ASH2L: variants seen among roughly 807,000 people sequenced by gnomAD.
ASH2L encodes the protein ASH2 like, histone lysine methyltransferase complex subunit.
A neutral mutation model predicts 81.1 loss-of-function variants in ASH2L; 30 were observed. The ratio of observed to expected loss-of-function variants is 0.37; its 90% CI spans 0.28 to 0.50. ASH2L has a LOEUF of 0.50. ASH2L is among the 20% of genes least tolerant of loss of function. The pLI is 0.95. For synonymous variants in ASH2L, 273 were observed against 279.9 expected (o/e 0.98, Z 0.24); for missense variants, 559 against 792.1 (o/e 0.71, Z 3.53).
In ASH2L at chr8:38,135,552, C is replaced by T. The variant is rs1802217466; in HGVS notation, c.1621-116C>T. The T allele has an allele frequency of 1.5e-5, 10 of 682,768 alleles. 1 individual carries two copies. In the South Asian group the frequency reaches 1.7e-4, roughly 12 times the overall value. The allele number at this position is 682,768 out of a possible 1,614,324, so 42.3% of individuals were successfully genotyped here. On this transcript the variant is annotated intron_variant, in intron 13 of 15. Transcript: ENST00000343823. The stretch of plus-strand genomic sequence containing the variant: ...GTTATTACACAAGTTATGCACTGTT[C>T]TTGGGTGAGTGACTAGCAGTCTGGC...
intron 12 of ASH2L, among the ~76,000 whole-genome samples, chr8:38,131,377 G>T (rs1021730578): frequency 8.0e-5 from 12 of 150,790 alleles, no homozygotes; most frequent in African/African-American, 2.7e-4. Context: ...CAAATTTTTT[G>T]ACCAGACACT....
chr8:38,132,108 A>G (rs907499233), intron 12 of ASH2L, among the ~76,000 whole-genome samples: 6 of 152,110 alleles, frequency 3.9e-5, no homozygotes, highest in African/African-American at 7.2e-5. Context: ...CAGCCTCCCA[A>G]AATGCTGGGA....
At chr8:38,119,862 T>C (rs1811065807) in intron 9 of ASH2L, among the ~76,000 whole-genome samples, 1 of 152,082 alleles carries the variant, frequency 6.6e-6, no homozygotes, top group Non-Finnish European at 1.5e-5. Flanking sequence ...GTCATGCCTG[T>C]AATCCCAGCA....
intron 12 of ASH2L, among the ~76,000 whole-genome samples, chr8:38,131,968 C>T (rs1303172908): frequency 6.6e-6 from 1 of 152,118 alleles, no homozygotes; most frequent in Non-Finnish European, 1.5e-5. Flanking sequence ...CCTGCTTCAG[C>T]CTCCTGAGCA....
At chr8:38,111,092 G>A (rs1250879571) in intron 5 of ASH2L, among the ~76,000 whole-genome samples, 1 of 151,780 alleles carries the variant, frequency 6.6e-6, no homozygotes, top group East Asian at 1.9e-4. Flanking sequence ...GCGCCACCAC[G>A]CCCAGCTAAT....
At chr8:38,123,907 C>A (rs1801730708) in intron 10 of ASH2L, among the ~76,000 whole-genome samples, 1 of 152,160 alleles carries the variant, frequency 6.6e-6, no homozygotes. Flanking sequence ...GTGGCGTGAT[C>A]TCGGCTCACT....
chr8:38,129,228 T>A (rs1301212941), intron 12 of ASH2L, among the ~76,000 whole-genome samples: 3 of 152,196 alleles, frequency 2.0e-5, no homozygotes, highest in Non-Finnish European at 4.4e-5. Context: ...ATACATAAGC[T>A]AGAATTCAGC....
chr8:38,139,252 TC>T lies in ASH2L; in HGVS notation c.*183del. The T allele has an allele frequency of 1.8e-6, 1 of 555,648 alleles. No homozygotes were observed. The allele number at this position is 555,648 out of a possible 1,614,324, so 34.4% of individuals were successfully genotyped here. On this transcript the variant is annotated 3_prime_UTR_variant, in exon 16 of 16. Coordinates refer to ENST00000343823, the MANE Select transcript of ASH2L (RefSeq NM_004674.5). ...TGCCTTTCACCATTTTCTCCCCACT[TC>T]CAGTGACTGCTCTTATTTTGTGTAC...
At chr8:38,106,969 A>G in intron 2 of ASH2L, 52 bp from the exon 3 acceptor site, 4 of 1,603,862 alleles carry the variant, frequency 2.5e-6, no homozygotes, top group South Asian at 2.2e-5. Context: ...AATAAAATAA[A>G]GTAAAATACA....
intron 12 of ASH2L, 125 bp downstream of exon 12, chr8:38,129,076 A>G (rs1261548075): frequency 1.4e-6 from 2 of 1,385,038 alleles, no homozygotes; most frequent in Non-Finnish European, 1.9e-6. Context: ...ACCTGTTGCT[A>G]TGACATTTTC....
At chr8:38,114,418 A>T (rs1453898887) in intron 6 of ASH2L, 131 bp downstream of exon 6, 2 of 631,692 alleles carry the variant, frequency 3.2e-6, no homozygotes, top group Non-Finnish European at 5.4e-6. Flanking sequence ...AGTGTGAGAT[A>T]CAGCTAATTG....
At chr8:38,120,497 A>C (rs956960172) in intron 9 of ASH2L, among the ~76,000 whole-genome samples, 1 of 151,794 alleles carries the variant, frequency 6.6e-6, no homozygotes, top group African/African-American at 2.4e-5. Context: ...TCACTGCACA[A>C]GTTATTTACT....
intron 3 of ASH2L, among the ~76,000 whole-genome samples, chr8:38,109,411 C>T (rs1272234141): frequency 6.6e-6 from 1 of 152,198 alleles, no homozygotes; most frequent in Non-Finnish European, 1.5e-5. Context: ...AAGCTAGTTT[C>T]AGAGTCCAAG....
intron 10 of ASH2L, among the ~76,000 whole-genome samples, chr8:38,125,215 G>C (rs1801785937): frequency 6.6e-6 from 1 of 152,132 alleles, no homozygotes; most frequent in Non-Finnish European, 1.5e-5. Context: ...GATTTTAACA[G>C]TTCAAGATTT....
intron 12 of ASH2L, among the ~76,000 whole-genome samples, chr8:38,131,514 C>G (rs531738056): frequency 6.1e-4 from 93 of 152,232 alleles, no homozygotes; most frequent in South Asian, 1.5e-3. Flanking sequence ...GATGTGATGG[C>G]ACACTCCTGT....
chr8:38,110,722 CT>C lies in ASH2L; in HGVS notation c.491-12del. On this transcript the variant is annotated splice_polypyrimidine_tract_variant and intron_variant, in intron 4 of 15. Transcript: ENST00000343823. ...TAGTACTACAGATAACTGTTTCTTCCTTTTTGTTTTTGATAGACTTGAAGGA... is the reference window on the plus strand; with the variant it reads ...TAGTACTACAGATAACTGTTTCTTCCTTTTGTTTTTGATAGACTTGAAGGA... 1 of 1,602,338 alleles carries C rather than the reference CT, an allele frequency of 6.2e-7. No individual in the cohort carries two copies. The highest frequency in any genetic ancestry group is 8.5e-7 in the Non-Finnish European group (1 of 1,170,788).
At chr8:38,127,331 A>T (rs1446426789) in intron 10 of ASH2L, among the ~76,000 whole-genome samples, 1 of 152,106 alleles carries the variant, frequency 6.6e-6, no homozygotes, top group African/African-American at 2.4e-5. Flanking sequence ...TTAAAAAAAA[A>T]AAAAAAAAGT....
At position 38,107,096 on chromosome 8, in the gene ASH2L, G is replaced by A; in HGVS notation, c.331G>A (p.Gly111Ser). The A allele has an allele frequency of 6.2e-7, 1 of 1,614,190 alleles. No homozygotes were observed. The highest frequency in any genetic ancestry group is 8.5e-7 in the Non-Finnish European group (1 of 1,180,040). The change falls in exon 3 of 16, where the codon GGT (glycine) becomes AGT (serine). Residue 111 changes from glycine (G) to serine (S), a missense_variant. Gly to Ser is a moderately conservative substitution (Grantham distance 56). Around this residue, in one of 4 missense-constraint regions of ASH2L, gnomAD observed 318 missense variants for 527.0 expected, o/e 0.60. Transcript: ENST00000343823. ...SVDEENGRQL[G>S]EVELQCGICT... ...GGATGAAGAGAATGGCCGACAGTTG[G>A]GTGAGGTAGAGCTGCAATGTGGGAT...
chr8:38,121,909 A>T (rs1213879584), intron 10 of ASH2L, among the ~76,000 whole-genome samples: 2 of 152,188 alleles, frequency 1.3e-5, no homozygotes, highest in African/African-American at 4.8e-5. Context: ...CCTTATACTT[A>T]ACAAATGTCT....
Sources: gnomAD v4.1 joint callset for allele counts (sites outside exome capture counted in the v4.1 genomes callset) on GRCh38, gnomAD v4.1.1 for gene constraint, gnomAD v4.1.1 regional missense constraint, MANE v1.5 for transcripts, NCBI Gene and HGNC (gene_info 2026-07-23, HGNC 2026-07-21) for gene names.